Variants in JAZF1 observed in about 807,000 individuals in gnomAD.
JAZF1 encodes the protein juxtaposed with another zinc finger protein 1.
Under a neutral mutation model 26.4 loss-of-function variants are expected in JAZF1, and 8 were observed. That is an observed-to-expected ratio of 0.30 (90% CI 0.18 to 0.55). The LOEUF is 0.55. Ranked by LOEUF, JAZF1 falls within the 20% of genes least tolerant of loss-of-function variation. The pLI is 0.94. For synonymous variants in JAZF1, 126 were observed against 122.3 expected, an observed-to-expected ratio of 1.03 and a Z score of -0.20; for missense variants, 199 against 322.0, an observed-to-expected ratio of 0.62 and a Z score of 2.92.
intron 1 of JAZF1, among the ~76,000 whole-genome samples, chr7:28,156,258 T>C (rs1398536756): frequency 6.6e-6 from 1 of 152,220 alleles, no homozygotes; most frequent in African/African-American, 2.4e-5. Context: ...GTCAAGGCTG[T>C]AGAGGCCCCT....
chr7:28,090,863 A>G (rs1583554771), intron 1 of JAZF1, among the ~76,000 whole-genome samples: 1 of 120,560 alleles, frequency 8.3e-6, no homozygotes, highest in Admixed American at 1.2e-4. Context: ...TCTGTCACCC[A>G]GGCCGGACTG....
chr7:27,854,634 G>C (rs937252527), intron 3 of JAZF1, among the ~76,000 whole-genome samples: 2 of 152,158 alleles, frequency 1.3e-5, no homozygotes, highest in Non-Finnish European at 2.9e-5. Context: ...ATGAAGCTTA[G>C]TTTGGCTGGA....
chr7:28,158,004 T>C (rs553648557), intron 1 of JAZF1, among the ~76,000 whole-genome samples: 1 of 152,140 alleles, frequency 6.6e-6, no homozygotes, highest in Non-Finnish European at 1.5e-5. Context: ...GATTGCCCAA[T>C]GTCTATTCTC....
At chr7:27,963,592 T>C (rs1785222525) in intron 2 of JAZF1, among the ~76,000 whole-genome samples, 1 of 140,316 alleles carries the variant, frequency 7.1e-6, no homozygotes, top group Non-Finnish European at 1.5e-5. Context: ...GACAGGGTCT[T>C]GCTCTGTCAT....
intron 2 of JAZF1, among the ~76,000 whole-genome samples, chr7:27,975,251 AAG>A (rs1287598078): frequency 6.6e-6 from 1 of 152,010 alleles, no homozygotes; most frequent in Admixed American, 6.6e-5. Context: ...GGGCAGGAGC[AAG>A]AGGAGGGGGA....
chr7:28,152,031 CTTCATGTCTTTACGTAG>C (rs546917492), intron 1 of JAZF1, among the ~76,000 whole-genome samples: 19 of 152,298 alleles, frequency 1.2e-4, no homozygotes, highest in Admixed American at 9.8e-4. Flanking sequence ...AAACCAGCAG[CTTCATGTCTTTACGTAG>C]TTTCGTCCTC....
At chr7:28,035,181 G>A (rs1289877623) in intron 1 of JAZF1, among the ~76,000 whole-genome samples, 5 of 151,556 alleles carry the variant, frequency 3.3e-5, no homozygotes, top group African/African-American at 7.3e-5. Flanking sequence ...GCCTGCCGTG[G>A]TGGTGGGCGC....
At position 27,881,306 on chromosome 7, in the gene JAZF1, T is replaced by C. The variant is rs7793091; in HGVS notation, c.385+13914A>G. On this transcript the variant is annotated intron_variant, in intron 3 of 4. Coordinates refer to ENST00000283928, the MANE Select transcript of JAZF1 (RefSeq NM_175061.4). ...CCTTGGTAGCTCACTCACAACTAAG[T>C]TGTGACATTTTAATTGCATGCTTTT... Among the ~76,000 whole-genome samples the C allele has an allele frequency of 3.5e-3, 534 of 152,294 alleles. 5 individuals are homozygous for C. Among genetic ancestry groups the C allele is most frequent in the African/African-American group, 0.012 (516 of 41,562 alleles).
chr7:28,179,427 C>T (rs1441382729), intron 1 of JAZF1, among the ~76,000 whole-genome samples: 1 of 152,170 alleles, frequency 6.6e-6, no homozygotes, highest in Non-Finnish European at 1.5e-5. Flanking sequence ...CGCCCCCTCC[C>T]CGGCGTCTCC....
At chr7:27,992,132 T>G (rs73089202) in intron 1 of JAZF1, 151 bp from the exon 2 acceptor site, 3 of 698,804 alleles carry the variant, frequency 4.3e-6, no homozygotes, top group Non-Finnish European at 8.1e-6. Flanking sequence ...GCACAATCAT[T>G]TGTTCATTCA....
chr7:28,139,985 G>A (rs1031410542), intron 1 of JAZF1, among the ~76,000 whole-genome samples: 3 of 152,102 alleles, frequency 2.0e-5, no homozygotes, highest in Non-Finnish European at 4.4e-5. Context: ...ACGGAGGTTG[G>A]GGAGGGAGAC....
chr7:28,066,589 C>A lies in JAZF1; in HGVS notation c.116-74608G>T, dbSNP rs552931197. On this transcript the variant is annotated intron_variant, in intron 1 of 4. Coordinates refer to ENST00000283928, the MANE Select transcript of JAZF1 (RefSeq NM_175061.4). ...CTGCACTCCAGCCTGGGCGACAGAG[C>A]GAGACTCCATCTCAAAAAAAAAAAA... 2.2e-3 allele frequency among the ~76,000 whole-genome samples: 272 copies of A among 122,092 alleles called. 1 individual carries two copies. The highest frequency in any genetic ancestry group is 8.6e-3 in the African/African-American group (260 of 30,314). The allele number at this position is 122,092 out of a possible 152,430, so 80.1% of individuals were successfully genotyped here.
At chr7:28,111,081 G>A (rs1382482223) in intron 1 of JAZF1, among the ~76,000 whole-genome samples, 2 of 152,168 alleles carry the variant, frequency 1.3e-5, no homozygotes, top group African/African-American at 2.4e-5. Flanking sequence ...AGATCTGGCT[G>A]AAGAAAAGTA....
At chr7:28,038,816 C>T (rs768497720) in intron 1 of JAZF1, among the ~76,000 whole-genome samples, 6 of 152,130 alleles carry the variant, frequency 3.9e-5, no homozygotes, top group Non-Finnish European at 5.9e-5. Context: ...AAAAGATTTG[C>T]TGAACATATC....
intron 1 of JAZF1, among the ~76,000 whole-genome samples, chr7:28,165,656 C>T (rs1449687603): frequency 6.6e-6 from 1 of 152,150 alleles, no homozygotes; most frequent in Non-Finnish European, 1.5e-5. Context: ...CCCCTAGATG[C>T]CCCAATGGCT....
Position 27,932,814 on chromosome 7 carries a change from G to C in JAZF1, c.189-37398C>G, listed in dbSNP as rs767628534. 4.6e-5 allele frequency among the ~76,000 whole-genome samples: 7 copies of C among 152,266 alleles called. No individual in the cohort carries two copies. In the South Asian group the frequency reaches 6.2e-4, roughly 14 times the overall value. On this transcript the variant is annotated intron_variant, in intron 2 of 4. Coordinates refer to ENST00000283928, the MANE Select transcript of JAZF1 (RefSeq NM_175061.4). ...ATTTACGTGTGTGGTGACTGGATAG[G>C]CTACTGAAAAACAATGATTCTTTTC...
chr7:28,116,455 C>G (rs1434505104), intron 1 of JAZF1, among the ~76,000 whole-genome samples: 1 of 152,058 alleles, frequency 6.6e-6, no homozygotes. Flanking sequence ...CTCTCTCTCT[C>G]TTTTTTTCAG....
chr7:28,015,026 A>AGTGTAT (rs1782861512), intron 1 of JAZF1, among the ~76,000 whole-genome samples: 2 of 116,422 alleles, frequency 1.7e-5, no homozygotes, highest in African/African-American at 6.7e-5. Flanking sequence ...AAAAGCAGAA[A>AGTGTAT]GTGTGTATGT....
chr7:28,024,816 T>A (rs1331786491), intron 1 of JAZF1, among the ~76,000 whole-genome samples: 1 of 152,208 alleles, frequency 6.6e-6, no homozygotes, highest in Non-Finnish European at 1.5e-5. Context: ...ACCTTTTCCT[T>A]CAAGGAGTTT....
Sources: gnomAD v4.1 joint callset for allele counts (sites outside exome capture counted in the v4.1 genomes callset) on GRCh38, gnomAD v4.1.1 for gene constraint, MANE v1.5 for transcripts, NCBI Gene and HGNC (gene_info 2026-07-23, HGNC 2026-07-21) for gene names.